Variants in AKT3 observed in about 807,000 individuals in gnomAD.
AKT3 encodes RAC-gamma serine/threonine-protein kinase.
AKT3 carries 15 observed loss-of-function variants against 65.3 expected under a neutral mutation model. The ratio of observed to expected loss-of-function variants is 0.23; its 90% CI spans 0.15 to 0.35. The LOEUF is 0.35. AKT3 is among the 10% of genes least tolerant of loss of function. The pLI, the probability that AKT3 is intolerant of heterozygous loss-of-function variation, is 1.00. For missense variants in AKT3, 243 were observed against 576.5 expected, an observed-to-expected ratio of 0.42 and a Z score of 5.92; for synonymous variants, 206 against 183.8, an observed-to-expected ratio of 1.12 and a Z score of -0.98.
At chr1:243,664,981 T>G (rs1572133130) in intron 3 of AKT3, 98 bp from the exon 4 acceptor site, 4 of 521,300 alleles carry the variant, frequency 7.7e-6, no homozygotes, top group Non-Finnish European at 1.2e-5. Context: ...CAAAACCCAG[T>G]GCGAACTCAC....
At chr1:243,728,292 C>G (rs1387597759) in intron 2 of AKT3, among the ~76,000 whole-genome samples, 1 of 152,176 alleles carries the variant, frequency 6.6e-6, no homozygotes, top group Non-Finnish European at 1.5e-5. Context: ...TCAACCTCAA[C>G]CAAACTTTGA....
intron 11 of AKT3, among the ~76,000 whole-genome samples, chr1:243,549,513 C>A (rs148031825): frequency 6.6e-6 from 1 of 152,140 alleles, no homozygotes; most frequent in Non-Finnish European, 1.5e-5. Context: ...ACTGCAGTCT[C>A]GACCTCCTGG....
chr1:243,686,775 C>T (rs558094051), intron 3 of AKT3, among the ~76,000 whole-genome samples: 1 of 142,508 alleles, frequency 7.0e-6, no homozygotes, highest in East Asian at 2.2e-4. Context: ...TCAAGCAATT[C>T]TCCTGCTTCA....
chr1:243,605,635 G>A (rs1386860861), intron 8 of AKT3, among the ~76,000 whole-genome samples: 1 of 152,186 alleles, frequency 6.6e-6, no homozygotes, highest in Non-Finnish European at 1.5e-5. Flanking sequence ...CAACTATGAT[G>A]AAATTCCATT....
intron 2 of AKT3, among the ~76,000 whole-genome samples, chr1:243,804,789 G>C (rs1692623136): frequency 6.6e-6 from 1 of 151,720 alleles, no homozygotes; most frequent in African/African-American, 2.4e-5. Flanking sequence ...GGAGCTTGTA[G>C]TGAGCTGAGA....
At chr1:243,754,677 T>A (rs1689014044) in intron 2 of AKT3, among the ~76,000 whole-genome samples, 1 of 152,124 alleles carries the variant, frequency 6.6e-6, no homozygotes, top group Non-Finnish European at 1.5e-5. Flanking sequence ...ATGCGAGGGA[T>A]CTAGGTTGCA....
intron 8 of AKT3, among the ~76,000 whole-genome samples, chr1:243,605,885 G>A (rs1291209051): frequency 6.6e-6 from 1 of 152,186 alleles, no homozygotes; most frequent in African/African-American, 2.4e-5. Context: ...CCACTGGAAG[G>A]TAATTGAATC....
chr1:243,656,859 G>T (rs1257325192), intron 4 of AKT3, among the ~76,000 whole-genome samples: 1 of 152,166 alleles, frequency 6.6e-6, no homozygotes, highest in Non-Finnish European at 1.5e-5. Flanking sequence ...ATTGTGGATG[G>T]TCATGTGCAG....
At chr1:243,784,109 C>T (rs1288535714) in intron 2 of AKT3, among the ~76,000 whole-genome samples, 2 of 151,930 alleles carry the variant, frequency 1.3e-5, no homozygotes, top group Non-Finnish European at 2.9e-5. Context: ...AAATGGATGA[C>T]GTGACAGAGA....
intron 2 of AKT3, among the ~76,000 whole-genome samples, chr1:243,825,912 A>T (rs1023813561): frequency 6.6e-6 from 1 of 152,134 alleles, no homozygotes; most frequent in African/African-American, 2.4e-5. Flanking sequence ...CAGGCAGAAC[A>T]CCTGAAGTCA....
chr1:243,772,808 C>T (rs1690274412), intron 2 of AKT3, among the ~76,000 whole-genome samples: 1 of 151,974 alleles, frequency 6.6e-6, no homozygotes, highest in Non-Finnish European at 1.5e-5. Flanking sequence ...CAATGACAGA[C>T]TGGATTAAGA....
At chr1:243,810,720 CAA>C (rs926079074) in intron 2 of AKT3, among the ~76,000 whole-genome samples, 1 of 151,558 alleles carries the variant, frequency 6.6e-6, no homozygotes, top group South Asian at 2.1e-4. Context: ...AGAGACACAA[CAA>C]AAAAAAGAGA....
At chr1:243,577,715 G>T (rs1174120346) in intron 8 of AKT3, among the ~76,000 whole-genome samples, 1 of 152,090 alleles carries the variant, frequency 6.6e-6, no homozygotes, top group Admixed American at 6.5e-5. Context: ...AAGAGCTTCT[G>T]CACAGCAAAA....
At chr1:243,711,725 A>C (rs2148076129) in intron 2 of AKT3, among the ~76,000 whole-genome samples, 1 of 152,336 alleles carries the variant, frequency 6.6e-6, no homozygotes. Flanking sequence ...CTTGAATAGC[A>C]AGTATTGTTT....
intron 2 of AKT3, among the ~76,000 whole-genome samples, chr1:243,742,673 T>C (rs1284092353): frequency 6.6e-6 from 1 of 152,192 alleles, no homozygotes; most frequent in Non-Finnish European, 1.5e-5. Flanking sequence ...CATTTCTTTT[T>C]GTGAAAGTTT....
intron 8 of AKT3, among the ~76,000 whole-genome samples, chr1:243,598,588 A>G (rs1301268314): frequency 6.6e-6 from 1 of 152,194 alleles, no homozygotes; most frequent in Non-Finnish European, 1.5e-5. Flanking sequence ...GTAAGTGAAC[A>G]GGTATTCAGC....
intron 2 of AKT3, among the ~76,000 whole-genome samples, chr1:243,779,979 C>T (rs1690802490): frequency 6.6e-6 from 1 of 151,898 alleles, no homozygotes; most frequent in African/African-American, 2.4e-5. Flanking sequence ...GAAATTTCCT[C>T]CTTATAGTAA....
Position 243,621,175 on chromosome 1 carries a change from T to C in AKT3, c.562-6014A>G, listed in dbSNP as rs542901558. 3.9e-5 allele frequency among the ~76,000 whole-genome samples: 6 copies of C among 152,296 alleles called. No individual in the cohort carries two copies. The East Asian group carries it at 1.2e-3, about 29-fold the overall frequency. On this transcript the variant is annotated intron_variant, in intron 6 of 13. Transcript: ENST00000673466. Reference sequence around the variant, plus strand: ...CCTAGTCAAGCTACTAAGCTAAGACTAGAACCCAGGTCTGTGCTGACTTCC... The same window carrying C: ...CCTAGTCAAGCTACTAAGCTAAGACCAGAACCCAGGTCTGTGCTGACTTCC...
rs551261104 is a variant in AKT3, at chr1:243,584,242, A to C, written c.697-11194T>G. On this transcript the variant is annotated intron_variant, in intron 8 of 13. Coordinates refer to ENST00000673466, the MANE Select transcript of AKT3 (RefSeq NM_005465.7). ...AATGGATAAATTCCTGGAAACACAC[A>C]ATTTACCAAGACTGAATGAGGAACA... Among the ~76,000 whole-genome samples the C allele has an allele frequency of 1.4e-4, 22 of 152,266 alleles. No homozygotes were observed. The South Asian group carries it at 4.6e-3, about 32-fold the overall frequency.
Sources: allele counts gnomAD v4.1 joint callset (sites outside exome capture counted in the v4.1 genomes callset), GRCh38; gene constraint gnomAD v4.1.1; transcripts MANE v1.5; gene names NCBI Gene and HGNC (gene_info 2026-07-23, HGNC 2026-07-21).